The following ASIC2 variants were observed in gnomAD, a reference collection of about 807,000 sequenced individuals.
The protein encoded by ASIC2 is acid sensing ion channel subunit 2.
ASIC2 carries 25 observed loss-of-function variants against 57.3 expected under a neutral mutation model. The observed-to-expected ratio is 0.44, with a 90% CI of 0.32 to 0.61. ASIC2 has a LOEUF of 0.61. Ranked by LOEUF, ASIC2 falls within the 20% of genes least tolerant of loss-of-function variation. The pLI, the probability that ASIC2 is intolerant of heterozygous loss-of-function variation, is 0.06. For synonymous variants in ASIC2, 319 were observed against 307.5 expected (o/e 1.04, Z -0.39); for missense variants, 641 against 738.1 (o/e 0.87, Z 1.52).
At chr17:33,359,560 T>C (rs144079243) in intron 1 of ASIC2, among the ~76,000 whole-genome samples, 3 of 152,294 alleles carry the variant, frequency 2.0e-5, no homozygotes, top group African/African-American at 7.2e-5. Flanking sequence ...CAAGTAGCAA[T>C]GCTCAGGGCT....
intron 3 of ASIC2, among the ~76,000 whole-genome samples, chr17:33,079,550 G>A (rs755805768): frequency 3.9e-5 from 6 of 152,150 alleles, no homozygotes; most frequent in Non-Finnish European, 8.8e-5. Context: ...TGTGGTTCAT[G>A]AGGGAGGGAG....
Position 33,365,743 on chromosome 17 carries a change from C to A in ASIC2, c.556-253676G>T, listed in dbSNP as rs577523620. Among the ~76,000 whole-genome samples the A allele has an allele frequency of 5.3e-5, 8 of 152,260 alleles. 1 individual carries two copies. In the East Asian group the frequency reaches 1.4e-3, roughly 26 times the overall value. Reference sequence around the variant, plus strand: ...TAAAAAAAAAACCTTACTTTATCCCCTTTTTATTTCATTTCCCATAATTCC... The same window carrying A: ...TAAAAAAAAAACCTTACTTTATCCCATTTTTATTTCATTTCCCATAATTCC... On this transcript the variant is annotated intron_variant, in intron 1 of 9. Coordinates refer to the ASIC2 transcript ENST00000359872.
At chr17:33,320,954 C>T (rs951687894) in intron 1 of ASIC2, among the ~76,000 whole-genome samples, 3 of 152,194 alleles carry the variant, frequency 2.0e-5, no homozygotes, top group African/African-American at 4.8e-5. Context: ...TTCTACACTA[C>T]AATTTATTTA....
intron 1 of ASIC2, among the ~76,000 whole-genome samples, chr17:33,663,097 A>C (rs1185043500): frequency 6.6e-6 from 1 of 152,212 alleles, no homozygotes; most frequent in Non-Finnish European, 1.5e-5. Context: ...GAGAGACATC[A>C]GTCACTCAGG....
chr17:33,719,836 C>T (rs11650717), intron 1 of ASIC2, among the ~76,000 whole-genome samples: 8,171 of 152,242 alleles, frequency 0.054, 300 homozygotes, highest in Middle Eastern at 0.092. Flanking sequence ...GGAGTTTGGC[C>T]GCACAGCGAG....
At chr17:33,306,907 TG>T (rs1379661139) in intron 1 of ASIC2, among the ~76,000 whole-genome samples, 2 of 152,164 alleles carry the variant, frequency 1.3e-5, no homozygotes, top group African/African-American at 2.4e-5. Context: ...GAGGCAGGCT[TG>T]GGGCATCAGG....
At chr17:33,435,757 G>A (rs11656544) in intron 1 of ASIC2, among the ~76,000 whole-genome samples, 32,519 of 152,192 alleles carry the variant, frequency 0.21, 3,863 homozygotes, top group Middle Eastern at 0.34. Context: ...ATTGAATCTA[G>A]GCACTGAGCA....
chr17:33,440,612 A>C (rs901145819), intron 1 of ASIC2, among the ~76,000 whole-genome samples: 4 of 152,202 alleles, frequency 2.6e-5, no homozygotes, highest in Non-Finnish European at 4.4e-5. Flanking sequence ...TCATATCCTC[A>C]TCAACACGAA....
intron 1 of ASIC2, among the ~76,000 whole-genome samples, chr17:33,340,242 C>T (rs1358772615): frequency 1.3e-5 from 2 of 152,066 alleles, no homozygotes; most frequent in South Asian, 2.1e-4. Flanking sequence ...GTGGGCCACT[C>T]CTGGAAGCTG....
At chr17:33,791,398 G>A (rs1911766776) in intron 1 of ASIC2, among the ~76,000 whole-genome samples, 1 of 152,182 alleles carries the variant, frequency 6.6e-6, no homozygotes, top group East Asian at 1.9e-4. Context: ...AATGCCACAT[G>A]GTATAGATTC....
At chr17:33,642,221 C>CAAA (rs1906593899) in intron 1 of ASIC2, among the ~76,000 whole-genome samples, 1 of 125,230 alleles carries the variant, frequency 8.0e-6, no homozygotes, top group African/African-American at 3.0e-5. Context: ...CCCCCCCCCC[C>CAAA]ACACACAATG....
intron 1 of ASIC2, among the ~76,000 whole-genome samples, chr17:33,130,271 T>A (rs1364884468): frequency 6.6e-6 from 1 of 152,124 alleles, no homozygotes; most frequent in East Asian, 1.9e-4. Context: ...CTTTTTCTCC[T>A]CCTTCTTTTC....
In ASIC2 at chr17:33,048,635, G is replaced by A. The variant is rs72817077; in HGVS notation, c.988-20243C>T. 2.2e-3 allele frequency among the ~76,000 whole-genome samples: 338 copies of A among 152,348 alleles called. 1 individual carries two copies. Among genetic ancestry groups the A allele is most frequent in the Non-Finnish European group, 4.2e-3 (284 of 68,026 alleles). On this transcript the variant is annotated intron_variant, in intron 3 of 9. Coordinates refer to ENST00000225823, the MANE Select transcript of ASIC2 (RefSeq NM_183377.2). ...ATCTGCTACAGATTACACAGGTGGTGCAGTTGAGTCCTTGAAATCTGCTCC... is the reference window on the plus strand; with the variant it reads ...ATCTGCTACAGATTACACAGGTGGTACAGTTGAGTCCTTGAAATCTGCTCC...
intron 1 of ASIC2, among the ~76,000 whole-genome samples, chr17:33,144,189 A>G (rs1051993778): frequency 2.0e-5 from 3 of 152,154 alleles, no homozygotes; most frequent in African/African-American, 7.2e-5. Flanking sequence ...AAACAAAAAC[A>G]AAAAAACAGG....
intron 1 of ASIC2, among the ~76,000 whole-genome samples, chr17:33,964,265 C>G (rs139477654): frequency 9.2e-5 from 14 of 152,346 alleles, no homozygotes; most frequent in African/African-American, 3.1e-4. Flanking sequence ...ATCACACATA[C>G]AGCAACCTGA....
intron 1 of ASIC2, among the ~76,000 whole-genome samples, chr17:33,346,920 G>A (rs377066): frequency 0.61 from 92,401 of 151,998 alleles, 28,220 homozygotes; most frequent in Middle Eastern, 0.69. Flanking sequence ...AAGAGCAATA[G>A]GAGGGGGAAA....
intron 1 of ASIC2, among the ~76,000 whole-genome samples, chr17:33,902,139 T>C (rs1192987191): frequency 2.0e-5 from 3 of 152,090 alleles, no homozygotes; most frequent in Non-Finnish European, 2.9e-5. Context: ...AGAGGTGAGA[T>C]CCTGGGAGAG....
intron 1 of ASIC2, among the ~76,000 whole-genome samples, chr17:33,673,897 C>CTTTTTTTTTTTTTTTTTTTTTTTTT (rs574986885): frequency 7.1e-6 from 1 of 141,132 alleles, no homozygotes; most frequent in African/African-American, 2.7e-5. Flanking sequence ...GCATCCGTGT[C>CTTTTTTTTTTTTTTTTTTTTTTTTT]TTTTTTTTTT....
intron 1 of ASIC2, among the ~76,000 whole-genome samples, chr17:33,968,851 G>C (rs934605707): frequency 6.6e-6 from 1 of 152,210 alleles, no homozygotes; most frequent in African/African-American, 2.4e-5. Context: ...CAACAACAGG[G>C]AGCTGGCCTG....
Sources: gnomAD v4.1 joint callset for allele counts (sites outside exome capture counted in the v4.1 genomes callset) on GRCh38, gnomAD v4.1.1 for gene constraint, MANE v1.5 for transcripts, NCBI Gene and HGNC (gene_info 2026-07-23, HGNC 2026-07-21) for gene names.